Variants in APLF observed in about 807,000 individuals in gnomAD.
APLF encodes the protein aprataxin and PNK-like factor.
A neutral mutation model predicts 55.6 loss-of-function variants in APLF; 61 were observed. The observed-to-expected ratio is 1.10, with a 90% CI of 0.89 to 1.36. The LOEUF (loss-of-function observed/expected upper bound fraction) is 1.36. APLF is among the 40% of genes most tolerant of loss of function. The pLI, the probability that APLF is intolerant of heterozygous loss-of-function variation, is 0.00. For synonymous variants in APLF, 207 were observed against 214.8 expected (o/e 0.96, Z 0.32); for missense variants, 611 against 602.5 (o/e 1.01, Z -0.15).
intron 8 of APLF, among the ~76,000 whole-genome samples, chr2:68,545,907 T>C (rs570919639): frequency 1.3e-5 from 2 of 152,298 alleles, no homozygotes; most frequent in Admixed American, 1.3e-4. Flanking sequence ...CTTTGCTTAA[T>C]AGATGAATGA....
At chr2:68,520,861 G>A (rs151302460) in intron 5 of APLF, among the ~76,000 whole-genome samples, 1 of 151,938 alleles carries the variant, frequency 6.6e-6, no homozygotes, top group African/African-American at 2.4e-5. Context: ...AAGAATGATG[G>A]TGGTATTTTG....
intron 7 of APLF, 28 bp from the exon 8 acceptor site, chr2:68,545,159 T>C: frequency 1.2e-6 from 2 of 1,603,544 alleles, no homozygotes; most frequent in Non-Finnish European, 1.7e-6. Flanking sequence ...ATTTTTTTTT[T>C]CTGACAGTAT....
At chr2:68,551,157 T>G (rs1045492774) in intron 8 of APLF, among the ~76,000 whole-genome samples, 2 of 152,124 alleles carry the variant, frequency 1.3e-5, no homozygotes, top group African/African-American at 4.8e-5. Flanking sequence ...CTTTTATCAT[T>G]TATGTCATGC....
chr2:68,574,668 A>T (rs1671572965), intron 9 of APLF, among the ~76,000 whole-genome samples: 1 of 152,242 alleles, frequency 6.6e-6, no homozygotes, highest in Non-Finnish European at 1.5e-5. Flanking sequence ...GTGATGACAG[A>T]TATAAACTTT....
intron 1 of APLF, among the ~76,000 whole-genome samples, chr2:68,472,479 C>T (rs536162862): frequency 6.6e-6 from 1 of 152,082 alleles, no homozygotes; most frequent in East Asian, 1.9e-4. Flanking sequence ...GGCATGACTC[C>T]CCAGACCCCT....
chr2:68,541,804 T>C (rs1041274573), intron 7 of APLF, among the ~76,000 whole-genome samples: 4 of 152,156 alleles, frequency 2.6e-5, no homozygotes, highest in African/African-American at 9.7e-5. Flanking sequence ...AAAAAATTAT[T>C]CTAAAATCAT....
intron 1 of APLF, among the ~76,000 whole-genome samples, chr2:68,472,145 G>A (rs1228773845): frequency 6.6e-6 from 1 of 152,176 alleles, no homozygotes; most frequent in Non-Finnish European, 1.5e-5. Flanking sequence ...GTTTTATTTT[G>A]CAGAGCTCTC....
At position 68,519,550 on chromosome 2, in the gene APLF, A is replaced by G. The variant is rs564500119; in HGVS notation, c.622+5870A>G. Among the ~76,000 whole-genome samples the G allele has an allele frequency of 2.0e-5, 3 of 150,174 alleles. No homozygotes were observed. The East Asian group carries it at 5.8e-4, about 29-fold the overall frequency. ...TTTCTTTTATCAGAGAAATTATTCT[A>G]CTGAGGGAAAGTGTCTGCCCCTCCC... is the stretch of plus-strand genomic sequence containing the variant. On this transcript the variant is annotated intron_variant, in intron 5 of 9. Coordinates refer to ENST00000303795, the MANE Select transcript of APLF (RefSeq NM_173545.3).
intron 2 of APLF, among the ~76,000 whole-genome samples, chr2:68,502,404 T>A (rs557848077): frequency 2.0e-5 from 3 of 152,116 alleles, no homozygotes; most frequent in Non-Finnish European, 4.4e-5. Context: ...ATTTTTCATA[T>A]TTCTTCTTGT....
chr2:68,481,825 T>C (rs959452700), intron 1 of APLF, among the ~76,000 whole-genome samples: 2 of 152,102 alleles, frequency 1.3e-5, no homozygotes, highest in African/African-American at 4.8e-5. Context: ...CTTTGGGTTA[T>C]TTCAGAAGAC....
chr2:68,524,717 A>G (rs910716983), intron 5 of APLF, among the ~76,000 whole-genome samples: 1 of 152,226 alleles, frequency 6.6e-6, no homozygotes, highest in Non-Finnish European at 1.5e-5. Flanking sequence ...TTCAAACTTC[A>G]TTTAGTCAGA....
chr2:68,520,709 G>A (rs1426241506), intron 5 of APLF, among the ~76,000 whole-genome samples: 6 of 151,904 alleles, frequency 3.9e-5, no homozygotes, highest in Non-Finnish European at 1.5e-5. Flanking sequence ...TTTGCTGGCC[G>A]TAGCCTTGTA....
intron 8 of APLF, among the ~76,000 whole-genome samples, chr2:68,546,842 A>T (rs1200595034): frequency 6.6e-6 from 1 of 151,918 alleles, no homozygotes; most frequent in Non-Finnish European, 1.5e-5. Context: ...ATCAGAACTG[A>T]GACAAGAATG....
intron 9 of APLF, among the ~76,000 whole-genome samples, chr2:68,573,317 A>G (rs1671534834): frequency 6.6e-6 from 1 of 152,180 alleles, no homozygotes; most frequent in Non-Finnish European, 1.5e-5. Flanking sequence ...TGTGGCCTTA[A>G]AATTAGAACT....
intron 6 of APLF, among the ~76,000 whole-genome samples, chr2:68,530,419 T>C (rs1375871950): frequency 3.6e-4 from 54 of 151,924 alleles, no homozygotes; most frequent in Non-Finnish European, 6.1e-4. Flanking sequence ...CCATCCCACA[T>C]TGCTCTTCTA....
chr2:68,517,829 A>C (rs1207376427), intron 5 of APLF, among the ~76,000 whole-genome samples: 1 of 145,136 alleles, frequency 6.9e-6, no homozygotes, highest in Non-Finnish European at 1.5e-5. Context: ...ATATGTGTTA[A>C]TATATAGCAG....
At chr2:68,538,813 A>T (rs1314546936) in intron 7 of APLF, among the ~76,000 whole-genome samples, 1 of 152,164 alleles carries the variant, frequency 6.6e-6, no homozygotes, top group African/African-American at 2.4e-5. Context: ...CATAGTGTTT[A>T]TAGTAACATG....
At chr2:68,569,635 C>G (rs1671399424) in intron 9 of APLF, among the ~76,000 whole-genome samples, 1 of 149,068 alleles carries the variant, frequency 6.7e-6, no homozygotes, top group Non-Finnish European at 1.5e-5. Context: ...CAAAATCAAG[C>G]TGGTGAATAC....
At chr2:68,560,399 G>A (rs1573265081) in intron 8 of APLF, among the ~76,000 whole-genome samples, 2 of 151,336 alleles carry the variant, frequency 1.3e-5, no homozygotes, top group South Asian at 4.2e-4. Flanking sequence ...TTTAAACATG[G>A]TTTGTAGGAG....
Sources: gnomAD v4.1 joint callset for allele counts (sites outside exome capture counted in the v4.1 genomes callset) on GRCh38, gnomAD v4.1.1 for gene constraint, MANE v1.5 for transcripts, NCBI Gene and HGNC (gene_info 2026-07-23, HGNC 2026-07-21) for gene names.